The following NR6A1 variants were observed in gnomAD, a reference collection of about 807,000 sequenced individuals.
The protein encoded by NR6A1 is nuclear receptor subfamily 6 group A member 1, also known as retinoic acid receptor-related testis-associated receptor.
A neutral mutation model predicts 59.1 loss-of-function variants in NR6A1; 7 were observed. That is an observed-to-expected ratio of 0.12 (90% CI 0.07 to 0.22). NR6A1 has a LOEUF of 0.22. Among genes scored for constraint, NR6A1 ranks in the 10% least tolerant of loss-of-function variants. The pLI is 1.00. For synonymous variants in NR6A1, 243 were observed against 236.1 expected (o/e 1.03, Z -0.27); for missense variants, 468 against 611.6 (o/e 0.77, Z 2.48).
intron 2 of NR6A1, among the ~76,000 whole-genome samples, chr9:124,644,377 A>G (rs1245741155): frequency 7.1e-6 from 1 of 141,126 alleles, no homozygotes; most frequent in Non-Finnish European, 1.5e-5. Context: ...TCAGCCTCCC[A>G]AGTAGCTGGG....
chr9:124,546,222 T>C (rs558931641), intron 3 of NR6A1, among the ~76,000 whole-genome samples: 2 of 152,312 alleles, frequency 1.3e-5, no homozygotes, highest in Admixed American at 6.5e-5. Flanking sequence ...AAATCACTCA[T>C]GAGTAAAGTA....
Position 124,519,165 on chromosome 9 carries a change from G to A in NR6A1, c.*3540C>T, listed in dbSNP as rs1207551256. On this transcript the variant is annotated 3_prime_UTR_variant, in exon 10 of 10. Transcript: ENST00000487099. Reference sequence around the variant, plus strand: ...TCACCTCCCTGAAAAAGGGTGGCAGGTGAGAGGCAGGTTGATGTGGAGTGG... The same window carrying A: ...TCACCTCCCTGAAAAAGGGTGGCAGATGAGAGGCAGGTTGATGTGGAGTGG... 1.3e-5 allele frequency: 2 copies of A among 152,306 alleles called. No individual in the cohort carries two copies. Among genetic ancestry groups the A allele is most frequent in the East Asian group, 3.8e-4 (2 of 5,202 alleles). 9.4% of individuals were successfully genotyped at this position (152,306 alleles called of 1,614,324 possible). A position where few individuals can be genotyped will look rare whatever the true frequency, so the allele number is the denominator to read the frequency against.
intron 1 of NR6A1, among the ~76,000 whole-genome samples, chr9:124,757,461 C>CAAAA (rs34265467): frequency 1.8e-5 from 2 of 110,436 alleles, no homozygotes; most frequent in African/African-American, 3.4e-5. Flanking sequence ...TAAAAAAATG[C>CAAAA]AAAAAAAAAA....
rs747139047 is a variant in NR6A1, at chr9:124,538,141, A to T, written c.775T>A (p.Ser259Thr). 9 of 1,614,184 alleles carry T rather than the reference A, an allele frequency of 5.6e-6. No homozygotes were observed. In the East Asian group the frequency reaches 6.7e-5, roughly 12 times the overall value. The stretch of plus-strand genomic sequence containing the variant: ...CCCAATGGTTCCAGGTCCTCGGCTG[A>T]TAACAGCTGGTGAATCAGACTGTAT... ...QSYSLIHQLLSAEDLEPLGTP... is the reference protein window; with the variant it reads ...QSYSLIHQLLTAEDLEPLGTP... The change falls in exon 6 of 10, where the codon TCA (serine) becomes ACA (threonine). Residue 259 changes from serine to threonine, a missense_variant. Physicochemically the swap from Ser to Thr is moderately conservative, Grantham distance 58 (BLOSUM62 1). Transcript: ENST00000487099.
Position 124,540,048 on chromosome 9 carries a change from G to C in NR6A1, c.581C>G (p.Ser194Cys). ...TAAAGCTCACCTGGAAGACAGTGTG[G>C]AGCCTGGTGAGGGCTGGTTGCTCTC... Reference protein sequence around the residue: ...ASESNQPSPGSTLSSSRSVEL... With the variant: ...ASESNQPSPGCTLSSSRSVEL... Residue 194 changes from serine to cysteine, a missense_variant, in exon 5 of 10, where the codon TCC becomes TGC. Ser to Cys is a moderately radical substitution (Grantham distance 112). Around this residue, in one of 4 missense-constraint regions of NR6A1, gnomAD observed 151 missense variants for 142.8 expected, o/e 1.06. Transcript: ENST00000487099. 6.3e-7 allele frequency: 1 copy of C among 1,599,278 alleles called. No individual in the cohort carries two copies. The highest frequency in any genetic ancestry group is 8.5e-7 in the Non-Finnish European group (1 of 1,178,024).
At chr9:124,559,591 C>T (rs908116953) in intron 2 of NR6A1, among the ~76,000 whole-genome samples, 4 of 152,098 alleles carry the variant, frequency 2.6e-5, no homozygotes, top group Non-Finnish European at 2.9e-5. Flanking sequence ...GCCTGGCCAA[C>T]ATGGCGAAAC....
chr9:124,555,509 A>C (rs573465055), intron 2 of NR6A1, among the ~76,000 whole-genome samples: 1 of 152,322 alleles, frequency 6.6e-6, no homozygotes, highest in South Asian at 2.1e-4. Flanking sequence ...TCATCTACTG[A>C]GGAGGCTGAA....
intron 2 of NR6A1, among the ~76,000 whole-genome samples, chr9:124,673,710 TG>T (rs1837865205): frequency 6.6e-6 from 1 of 152,184 alleles, no homozygotes; most frequent in African/African-American, 2.4e-5. Flanking sequence ...ACTAACTGCA[TG>T]GTTTCATGAA....
chr9:124,716,200 G>A (rs936213232), intron 2 of NR6A1, among the ~76,000 whole-genome samples: 4 of 152,084 alleles, frequency 2.6e-5, no homozygotes, highest in Non-Finnish European at 4.4e-5. Flanking sequence ...GTGAGGCCCT[G>A]TCTCAAAAAA....
Position 124,736,381 on chromosome 9 carries a change from G to C in NR6A1, c.101-3032C>G, listed in dbSNP as rs139262956. Reference sequence around the variant, plus strand: ...AATACTAAGTAAAATATTTAAGATGGACATCTATTGCTTTTATCTGCCTAG... The same window carrying C: ...AATACTAAGTAAAATATTTAAGATGCACATCTATTGCTTTTATCTGCCTAG... On this transcript the variant is annotated intron_variant, in intron 1 of 9. Transcript: ENST00000487099. Among the ~76,000 whole-genome samples, 4 of 152,230 alleles carry C rather than the reference G, an allele frequency of 2.6e-5. No homozygotes were observed. In the East Asian group the frequency reaches 7.7e-4, roughly 29 times the overall value.
chr9:124,625,974 A>G (rs1334498678), intron 2 of NR6A1, among the ~76,000 whole-genome samples: 1 of 152,164 alleles, frequency 6.6e-6, no homozygotes, highest in Non-Finnish European at 1.5e-5. Flanking sequence ...TGGGTCTCCA[A>G]CTGACTGAGC....
chr9:124,566,874 C>T (rs1474538592), intron 2 of NR6A1, among the ~76,000 whole-genome samples: 2 of 152,076 alleles, frequency 1.3e-5, no homozygotes, highest in African/African-American at 2.4e-5. Flanking sequence ...TTTGGGAGGC[C>T]AAGGCGGGCG....
chr9:124,630,677 T>C (rs1010903618), intron 2 of NR6A1, among the ~76,000 whole-genome samples: 27 of 134,008 alleles, frequency 2.0e-4, no homozygotes, highest in Non-Finnish European at 3.2e-5. Flanking sequence ...TTTCTTTTTT[T>C]TTTTTTTTTT....
At chr9:124,605,275 G>A (rs1588703828) in intron 2 of NR6A1, among the ~76,000 whole-genome samples, 1 of 152,184 alleles carries the variant, frequency 6.6e-6, no homozygotes, top group East Asian at 1.9e-4. Context: ...TCTCAACTTA[G>A]AGGGGGAAAA....
intron 1 of NR6A1, among the ~76,000 whole-genome samples, chr9:124,748,630 G>A (rs1341141011): frequency 6.6e-6 from 1 of 152,042 alleles, no homozygotes; most frequent in South Asian, 2.1e-4. Flanking sequence ...GGAGGCCGAG[G>A]CAGGCAGATC....
At chr9:124,619,834 G>A (rs1836010531) in intron 2 of NR6A1, among the ~76,000 whole-genome samples, 1 of 152,158 alleles carries the variant, frequency 6.6e-6, no homozygotes, top group African/African-American at 2.4e-5. Flanking sequence ...GGCCGAGGCA[G>A]GTGGATCACC....
chr9:124,540,304 C>T (rs1833406795), intron 4 of NR6A1, 117 bp from the exon 5 acceptor site: 2 of 1,116,632 alleles, frequency 1.8e-6, no homozygotes, highest in Admixed American at 2.3e-5. Flanking sequence ...TCCCTCTCCT[C>T]CATCCCCATA....
At chr9:124,630,670 C>CTTTTTTTTTTTT (rs71372980) in intron 2 of NR6A1, among the ~76,000 whole-genome samples, 6 of 59,504 alleles carry the variant, frequency 1.0e-4, no homozygotes, top group African/African-American at 4.3e-4. Flanking sequence ...TACTACATTT[C>CTTTTTTTTTTTT]TTTTTTTTTT....
At chr9:124,541,064 G>A (rs1833427815) in intron 4 of NR6A1, among the ~76,000 whole-genome samples, 1 of 152,046 alleles carries the variant, frequency 6.6e-6, no homozygotes, top group African/African-American at 2.4e-5. Context: ...TCATAAAACT[G>A]GTCTTGCCAG....
Sources: gnomAD v4.1 joint callset for allele counts (sites outside exome capture counted in the v4.1 genomes callset) on GRCh38, gnomAD v4.1.1 for gene constraint, gnomAD v4.1.1 regional missense constraint, MANE v1.5 for transcripts, NCBI Gene and HGNC (gene_info 2026-07-23, HGNC 2026-07-21) for gene names.